SRRM5: variants seen among roughly 807,000 people sequenced by gnomAD.
SRRM5 encodes serine/arginine repetitive matrix 5, also known as serine/arginine repetitive matrix protein 5.
SRRM5 carries 1 observed loss-of-function variant against 1.3 expected under a neutral mutation model. The ratio of observed to expected loss-of-function variants is 0.76; its 90% CI spans 0.27 to 3.59. The LOEUF is 3.59. SRRM5 is among the 30% of genes most tolerant of loss of function. The pLI is 0.19. For synonymous variants in SRRM5, 275 were observed against 320.2 expected, an observed-to-expected ratio of 0.86 and a Z score of 1.51; for missense variants, 875 against 914.5, an observed-to-expected ratio of 0.96 and a Z score of 0.56.
In SRRM5 at chr19:43,613,216, T is replaced by C; in HGVS notation, c.1095T>C (p.His365=). ...GAAACCCCAGCAAGGAAAGAAGTCA[T>C]AGCCATTCCAGAAGCTCCAGCAAAG... ...WSRNPSKERS[H]SHSRSSSKER... is the part of the protein sequence containing the mutation. Residue 365 remains histidine, a synonymous_variant, in exon 1 of 1, where the codon CAT becomes CAC. Coordinates refer to ENST00000417606, the MANE Select transcript of SRRM5 (RefSeq NM_001145641.2). 3.2e-6 allele frequency: 5 copies of C among 1,551,118 alleles called. No individual in the cohort carries two copies. The highest frequency in any genetic ancestry group is 2.4e-5 in the South Asian group (2 of 84,028).
In SRRM5 at chr19:43,613,244, A is replaced by G. The variant is rs1293890165; in HGVS notation, c.1123A>G (p.Arg375Gly). 6.4e-7 allele frequency: 1 copy of G among 1,551,556 alleles called. No homozygotes were observed. Among genetic ancestry groups the G allele is most frequent in the Non-Finnish European group, 8.7e-7 (1 of 1,146,988 alleles). ...HSHSRSSSKE[R>G]DHRGSSSPRK... is the part of the protein sequence containing the mutation. ...CCATTCCAGAAGCTCCAGCAAAGAG[A>G]GAGATCACAGGGGATCTAGCAGCCC... Residue 375 changes from arginine to glycine, a missense_variant, in exon 1 of 1, where the codon AGA (arginine) becomes GGA (glycine). Physicochemically the swap from Arg to Gly is moderately radical, Grantham distance 125 (BLOSUM62 -2). Transcript: ENST00000417606.
At position 43,612,501 on chromosome 19, in the gene SRRM5, G is replaced by C. The variant is rs1322674847; in HGVS notation, c.380G>C (p.Arg127Thr). 2 of 1,551,436 alleles carry C rather than the reference G, an allele frequency of 1.3e-6. No homozygotes were observed. The highest frequency in any genetic ancestry group is 1.7e-6 in the Non-Finnish European group (2 of 1,146,970). ...THSRGRTPGR[R>T]GSRSSKRSPS... ...AGCCGGGGTAGGACACCTGGCAGAA[G>C]GGGAAGCCGCAGCTCCAAGAGGTCA... The change falls in exon 1 of 1, where the codon AGG becomes ACG. Residue 127 changes from arginine to threonine, a missense_variant. By Grantham distance (71) the Arg-to-Thr change is moderately conservative. Transcript: ENST00000417606. The surrounding 1 kb of genome is among the most constrained non-coding windows in gnomAD (Gnocchi z 4.2).
chr19:43,612,268 A>G lies in SRRM5; in HGVS notation c.147A>G (p.Pro49=), dbSNP rs1052969643. The G allele has an allele frequency of 6.4e-7, 1 of 1,551,668 alleles. No homozygotes were observed. Among genetic ancestry groups the G allele is most frequent in the Non-Finnish European group, 8.7e-7 (1 of 1,146,996 alleles). The change falls in exon 1 of 1, where the codon CCA becomes CCG. Residue 49 remains proline (P), a synonymous_variant. Transcript: ENST00000417606. This position sits in a 1 kb window ranked among gnomAD's most constrained non-coding sequence, Gnocchi z 4.2. ...ACAGATCCTTAGTGCCCACCAAACCAGCGACATCCCGTAACTCAGTCATGA... is the reference window on the plus strand; with the variant it reads ...ACAGATCCTTAGTGCCCACCAAACCGGCGACATCCCGTAACTCAGTCATGA... ...TPNRSLVPTK[P]ATSRNSVMSP...
In SRRM5 at chr19:43,613,681, T is replaced by G. The variant is rs767742583; in HGVS notation, c.1560T>G (p.Asp520Glu). ...RQSRSSSKER[D>E]HRRSRSPSKE... ...CTAGAAGCTCCAGCAAAGAGAGAGATCACAGACGATCTAGAAGCCCCAGCA... is the reference window on the plus strand; with the variant it reads ...CTAGAAGCTCCAGCAAAGAGAGAGAGCACAGACGATCTAGAAGCCCCAGCA... Residue 520 changes from aspartate to glutamate, a missense_variant, in exon 1 of 1, where the codon GAT becomes GAG. Transcript: ENST00000417606. The G allele has an allele frequency of 5.8e-6, 9 of 1,550,210 alleles. No individual in the cohort carries two copies. Among genetic ancestry groups the G allele is most frequent in the Non-Finnish European group, 7.8e-6 (9 of 1,146,782 alleles).
In SRRM5 at chr19:43,614,022, C is replaced by G; in HGVS notation, c.1901C>G (p.Thr634Ser). The change falls in exon 1 of 1, where the codon ACC (threonine) becomes AGC (serine). Residue 634 changes from threonine (T) to serine (S), a missense_variant. Thr to Ser is a moderately conservative substitution (Grantham distance 58). Coordinates refer to ENST00000417606, the MANE Select transcript of SRRM5 (RefSeq NM_001145641.2). ...SKEGNHSQSR[T>S]SSKESDPSQS... Reference sequence around the variant, plus strand: ...GAAGGAAATCATAGCCAATCTAGAACCTCTAGCAAGGAGAGCGACCCCAGT... The same window carrying G: ...GAAGGAAATCATAGCCAATCTAGAAGCTCTAGCAAGGAGAGCGACCCCAGT... The G allele has an allele frequency of 6.4e-7, 1 of 1,551,754 alleles. No individual in the cohort carries two copies. Among genetic ancestry groups the G allele is most frequent in the Non-Finnish European group, 8.7e-7 (1 of 1,146,974 alleles).
chr19:43,612,529 C>T lies in SRRM5; in HGVS notation c.408C>T (p.Pro136=). Residue 136 remains proline, a synonymous_variant, in exon 1 of 1, where the codon CCC becomes CCT. Transcript: ENST00000417606. The surrounding 1 kb of genome is among the most constrained non-coding windows in gnomAD (Gnocchi z 4.2). The stretch of plus-strand genomic sequence containing the variant: ...GAAGCCGCAGCTCCAAGAGGTCACC[C>T]AGCAGGGCCAGCACTCCTGGCAGGA... ...RRGSRSSKRS[P]SRASTPGRIR... is the part of the protein sequence containing the mutation. 6.4e-7 allele frequency: 1 copy of T among 1,551,404 alleles called. No homozygotes were observed. The highest frequency in any genetic ancestry group is 8.7e-7 in the Non-Finnish European group (1 of 1,146,956).
chr19:43,613,744 GGA>G lies in SRRM5; in HGVS notation c.1630_1631del (p.Asp544SerfsTer5), dbSNP rs1973337641. On this transcript the variant is annotated frameshift_variant, in exon 3 of 3. Transcript: ENST00000607544. LOFTEE classifies it low-confidence loss of function (END_TRUNC). ...GCAGACAATCTAGAAGCCCCAACAAGGAGAGAGATCGCAGCCAATCTAGAAGC... is the reference window on the plus strand; with the variant it reads ...GCAGACAATCTAGAAGCCCCAACAAGGAGAGATCGCAGCCAATCTAGAAGC... 6.4e-7 allele frequency: 1 copy of G among 1,550,974 alleles called. No individual in the cohort carries two copies. Among genetic ancestry groups the G allele is most frequent in the Non-Finnish European group, 8.7e-7 (1 of 1,146,698 alleles).
Position 43,614,023 on chromosome 19 carries a change from C to G in SRRM5, c.1902C>G (p.Thr634=). ...AAGGAAATCATAGCCAATCTAGAAC[C>G]TCTAGCAAGGAGAGCGACCCCAGTC... The part of the protein sequence containing the change: ...SKEGNHSQSR[T]SSKESDPSQS... Residue 634 remains threonine, a synonymous_variant, in exon 1 of 1, where the codon ACC becomes ACG. Coordinates refer to ENST00000417606, the MANE Select transcript of SRRM5 (RefSeq NM_001145641.2). 1.3e-6 allele frequency: 2 copies of G among 1,551,796 alleles called. No individual in the cohort carries two copies. The highest frequency in any genetic ancestry group is 1.7e-6 in the Non-Finnish European group (2 of 1,146,986).
chr19:43,613,716 A>C lies in SRRM5; in HGVS notation c.1595A>C (p.Gln532Pro), dbSNP rs1421107691. ...RRSRSPSKER[Q>P]RRQSRSPNKE... ...TCTAGAAGCCCCAGCAAGGAGAGACAGCGCAGACAATCTAGAAGCCCCAAC... is the reference window on the plus strand; with the variant it reads ...TCTAGAAGCCCCAGCAAGGAGAGACCGCGCAGACAATCTAGAAGCCCCAAC... The change falls in exon 1 of 1, where the codon CAG becomes CCG. Residue 532 changes from glutamine to proline, a missense_variant. Physicochemically the swap from Gln to Pro is moderately conservative, Grantham distance 76. Transcript: ENST00000417606. 3 of 1,551,390 alleles carry C rather than the reference A, an allele frequency of 1.9e-6. No individual in the cohort carries two copies. Among genetic ancestry groups the C allele is most frequent in the East Asian group, 2.4e-5 (1 of 40,902 alleles).
At position 43,612,852 on chromosome 19, in the gene SRRM5, G is replaced by T; in HGVS notation, c.731G>T (p.Ser244Ile). 1 of 1,551,702 alleles carries T rather than the reference G, an allele frequency of 6.4e-7. No individual in the cohort carries two copies. The highest frequency in any genetic ancestry group is 8.7e-7 in the Non-Finnish European group (1 of 1,147,004). ...PSPSSSRKVK[S>I]YGQMIIPSRE... Reference sequence around the variant, plus strand: ...CCATCCTCATCAAGGAAGGTGAAGAGCTACGGTCAGATGATCATCCCCAGT... The same window carrying T: ...CCATCCTCATCAAGGAAGGTGAAGATCTACGGTCAGATGATCATCCCCAGT... Residue 244 changes from serine (S) to isoleucine (I), a missense_variant, in exon 1 of 1, where the codon AGC (serine) becomes ATC (isoleucine). Coordinates refer to ENST00000417606, the MANE Select transcript of SRRM5 (RefSeq NM_001145641.2). The surrounding 1 kb of genome is among the most constrained non-coding windows in gnomAD (Gnocchi z 4.2).
In SRRM5 at chr19:43,613,290, G is replaced by C; in HGVS notation, c.1169G>C (p.Ser390Thr). 6.4e-7 allele frequency: 1 copy of C among 1,551,666 alleles called. No individual in the cohort carries two copies. Among genetic ancestry groups the C allele is most frequent in the Non-Finnish European group, 8.7e-7 (1 of 1,146,992 alleles). The change falls in exon 1 of 1, where the codon AGT (serine) becomes ACT (threonine). Residue 390 changes from serine (S) to threonine (T), a missense_variant. Ser to Thr is a moderately conservative substitution (Grantham distance 58, BLOSUM62 1). Transcript: ENST00000417606. ...SSSPRKESGR[S>T]QSGSPNKQRD... ...AGCCCCAGGAAGGAGAGTGGTCGCA[G>C]TCAATCAGGAAGCCCCAACAAGCAG...
Position 43,612,362 on chromosome 19 carries a change from A to G in SRRM5, c.241A>G (p.Arg81Gly). Residue 81 changes from arginine to glycine, a missense_variant, in exon 1 of 1, where the codon AGG (arginine) becomes GGG (glycine). Coordinates refer to ENST00000417606, the MANE Select transcript of SRRM5 (RefSeq NM_001145641.2). This position sits in a 1 kb window ranked among gnomAD's most constrained non-coding sequence, Gnocchi z 4.2. ...KRAPSNRPSS[R>G]SRVRSKARTP... Reference sequence around the variant, plus strand: ...AGCCCCTTCTAACCGGCCCAGCAGCAGGTCCCGAGTCCGCAGCAAAGCAAG... The same window carrying G: ...AGCCCCTTCTAACCGGCCCAGCAGCGGGTCCCGAGTCCGCAGCAAAGCAAG... 6.4e-7 allele frequency: 1 copy of G among 1,551,726 alleles called. No individual in the cohort carries two copies. The highest frequency in any genetic ancestry group is 2.0e-5 in the Admixed American group (1 of 51,006).
rs140088988 is a variant in SRRM5, at chr19:43,613,832, C to A, written c.1711C>A (p.Arg571=). 6.5e-7 allele frequency: 1 copy of A among 1,549,418 alleles called. No homozygotes were observed. Among genetic ancestry groups the A allele is most frequent in the Non-Finnish European group, 8.7e-7 (1 of 1,145,272 alleles). ...RSPSKERDRR[R]WRSPSKERER... is the part of the protein sequence containing the mutation. ...CCCCAGCAAAGAGAGAGATCGCAGA[C>A]GATGGAGAAGCCCCAGCAAGGAGAG... is the stretch of plus-strand genomic sequence containing the variant. Residue 571 remains arginine, a synonymous_variant, in exon 1 of 1, where the codon CGA becomes AGA. Coordinates refer to ENST00000417606, the MANE Select transcript of SRRM5 (RefSeq NM_001145641.2).
rs1973340572 is a variant in SRRM5 at position 43,613,856 on chromosome 19, A to G, written c.1735A>G (p.Arg579Gly). The change falls in exon 1 of 1, where the codon AGA (arginine) becomes GGA (glycine). Residue 579 changes from arginine to glycine, a missense_variant. Coordinates refer to ENST00000417606, the MANE Select transcript of SRRM5 (RefSeq NM_001145641.2). The stretch of plus-strand genomic sequence containing the variant: ...ACGATGGAGAAGCCCCAGCAAGGAG[A>G]GAGAGCGCAGACAATCTAGAAGCTC... ...RRRWRSPSKE[R>G]ERRQSRSSSE... The G allele has an allele frequency of 1.3e-6, 2 of 1,551,366 alleles. No individual in the cohort carries two copies. The highest frequency in any genetic ancestry group is 1.7e-6 in the Non-Finnish European group (2 of 1,146,804).
rs1421154384 is a variant in SRRM5, at chr19:43,612,961, T to C, written c.840T>C (p.Ser280=). The change falls in exon 1 of 1, where the codon AGT becomes AGC. Residue 280 remains serine, a synonymous_variant. Coordinates refer to ENST00000417606, the MANE Select transcript of SRRM5 (RefSeq NM_001145641.2). This position sits in a 1 kb window ranked among gnomAD's most constrained non-coding sequence, Gnocchi z 4.2. ...NQASTRSRPQ[S]HSQSRSPRRS... ...CCAGCACCCGCAGCAGGCCGCAAAG[T>C]CACAGCCAATCTAGAAGCCCCAGAA... The C allele has an allele frequency of 1.3e-6, 2 of 1,551,404 alleles. No homozygotes were observed. Among genetic ancestry groups the C allele is most frequent in the Non-Finnish European group, 1.7e-6 (2 of 1,146,958 alleles).
chr19:43,613,358 C>A lies in SRRM5; in HGVS notation c.1237C>A (p.Arg413Ser), dbSNP rs1169696061. 1 of 1,550,318 alleles carries A rather than the reference C, an allele frequency of 6.5e-7. No homozygotes were observed. Among genetic ancestry groups the A allele is most frequent in the Admixed American group, 2.0e-5 (1 of 50,808 alleles). ...TAGAAGTCCCAACAAGGCGAGAGAT[C>A]GCAGCCGATCTAGAAGTCCCTACAA... Reference protein sequence around the residue: ...RSRSPNKARDRSRSRSPYKAR... With the variant: ...RSRSPNKARDSSRSRSPYKAR... The change falls in exon 1 of 1, where the codon CGC (arginine) becomes AGC (serine). Residue 413 changes from arginine to serine, a missense_variant. Transcript: ENST00000417606.
At position 43,612,154 on chromosome 19, in the gene SRRM5, T is replaced by C. The variant is rs1265272477; in HGVS notation, c.33T>C (p.Ser11=). MSSPKRSSKP[S]MSLAPSGSSM... is the part of the protein sequence containing the mutation. ...CACCTAAGAGATCTTCAAAGCCCAG[T>C]ATGTCTCTGGCACCCAGTGGATCCT... The change falls in exon 1 of 1, where the codon AGT becomes AGC. Residue 11 remains serine (S), a synonymous_variant. Transcript: ENST00000417606. The surrounding 1 kb of genome is among the most constrained non-coding windows in gnomAD (Gnocchi z 4.2). 3.2e-6 allele frequency: 5 copies of C among 1,551,586 alleles called. No individual in the cohort carries two copies. In the African/African-American group the frequency reaches 5.5e-5, roughly 17 times the overall value.
rs559761240 is a variant in SRRM5, at chr19:43,613,616, C to T, written c.1495C>T (p.Arg499Ter). The T allele has an allele frequency of 1.9e-5, 29 of 1,548,624 alleles. No homozygotes were observed. The highest frequency in any genetic ancestry group is 7.4e-5 in the East Asian group (3 of 40,780). Residue 499 changes from arginine to a stop codon, truncating the protein, a stop_gained, in exon 3 of 3, where the codon CGA becomes TGA. Coordinates refer to the SRRM5 transcript ENST00000607544. LOFTEE classifies it low-confidence loss of function (END_TRUNC). ...CCCCAGCAAAGAGAGAGATCACAGA[C>T]GATCTAGAAGCCCCAGCAAGGAGAG... is the stretch of plus-strand genomic sequence containing the variant.
Position 43,612,774 on chromosome 19 carries a change from A to C in SRRM5, c.653A>C (p.Lys218Thr), listed in dbSNP as rs933817562. The change falls in exon 1 of 1, where the codon AAG becomes ACG. Residue 218 changes from lysine (K) to threonine (T), a missense_variant. By Grantham distance (78) the Lys-to-Thr change is moderately conservative. Coordinates refer to ENST00000417606, the MANE Select transcript of SRRM5 (RefSeq NM_001145641.2). This position sits in a 1 kb window ranked among gnomAD's most constrained non-coding sequence, Gnocchi z 4.2. ...CTGGCTGTAACTCCCAGTACAGCCA[A>C]GTGTCAAACCCCGACTGGAATTCCC... ...SELAVTPSTA[K>T]CQTPTGIPSK... 6.4e-7 allele frequency: 1 copy of C among 1,551,644 alleles called. No individual in the cohort carries two copies. The highest frequency in any genetic ancestry group is 8.7e-7 in the Non-Finnish European group (1 of 1,146,984).
Sources: gnomAD v4.1 joint callset for allele counts on GRCh38, gnomAD v4.1.1 for gene constraint, Gnocchi (gnomAD v3.1) non-coding constraint, MANE v1.5 for transcripts, NCBI Gene and HGNC (gene_info 2026-07-23, HGNC 2026-07-21) for gene names.